The following KLHL18 variants were observed in gnomAD, a reference collection of about 807,000 sequenced individuals.
KLHL18 encodes kelch like family member 18.
In KLHL18, 38 loss-of-function variants were observed where a neutral mutation model predicts 58.5. The observed-to-expected ratio is 0.65, with a 90% CI of 0.50 to 0.85. KLHL18 has a LOEUF of 0.85. Among genes scored for constraint, KLHL18 ranks in the 40% least tolerant of loss-of-function variants. KLHL18 has a pLI of 0.00. For missense variants in KLHL18, 624 were observed against 778.4 expected (o/e 0.80, Z 2.36); for synonymous variants, 303 against 301.9 (o/e 1.00, Z -0.04).
At chr3:47,289,725 G>A (rs1300291039) in intron 1 of KLHL18, among the ~76,000 whole-genome samples, 1 of 152,164 alleles carries the variant, frequency 6.6e-6, no homozygotes. Context: ...CAAGGCTGCA[G>A]TGTGAGCCAT....
chr3:47,315,387 A>G (rs549332719), intron 1 of KLHL18, among the ~76,000 whole-genome samples: 2 of 152,310 alleles, frequency 1.3e-5, no homozygotes, highest in Non-Finnish European at 2.9e-5. Context: ...AGAGGCTCCG[A>G]ATCAGGCACA....
At position 47,310,288 on chromosome 3, in the gene KLHL18, T is replaced by G. The variant is rs556894993; in HGVS notation, c.130-9365T>G. 2.0e-5 allele frequency among the ~76,000 whole-genome samples: 3 copies of G among 152,282 alleles called. No individual in the cohort carries two copies. The South Asian group carries it at 6.2e-4, about 32-fold the overall frequency. ...GAGGGCCTTCTGATTCCATCCAGTC[T>G]CTATGCCACATTGCCTGTCTGGTGG... On this transcript the variant is annotated intron_variant, in intron 1 of 9. Coordinates refer to ENST00000232766, the MANE Select transcript of KLHL18 (RefSeq NM_025010.5).
chr3:47,316,031 A>C (rs1051352404), intron 1 of KLHL18, among the ~76,000 whole-genome samples: 6 of 152,190 alleles, frequency 3.9e-5, no homozygotes, highest in Non-Finnish European at 7.4e-5. Flanking sequence ...GAGGAAGAAC[A>C]ATAAGAAAAT....
intron 1 of KLHL18, among the ~76,000 whole-genome samples, chr3:47,307,430 T>A (rs1323297745): frequency 6.6e-6 from 1 of 152,166 alleles, no homozygotes; most frequent in Non-Finnish European, 1.5e-5. Context: ...CTCTTAAGGT[T>A]AATGCTTTTT....
intron 1 of KLHL18, among the ~76,000 whole-genome samples, chr3:47,311,191 A>T (rs909097318): frequency 6.6e-6 from 1 of 151,704 alleles, no homozygotes; most frequent in Non-Finnish European, 1.5e-5. Context: ...TTGTATTTTT[A>T]GTAGAGACGG....
chr3:47,321,240 C>T (rs1361876904), intron 2 of KLHL18, among the ~76,000 whole-genome samples: 1 of 151,942 alleles, frequency 6.6e-6, no homozygotes, highest in Non-Finnish European at 1.5e-5. Flanking sequence ...GTGATCTGGG[C>T]TCACTGCAAC....
chr3:47,306,577 T>C (rs954716808), intron 1 of KLHL18, among the ~76,000 whole-genome samples: 12 of 152,254 alleles, frequency 7.9e-5, no homozygotes, highest in African/African-American at 2.9e-4. Flanking sequence ...TCTGCTTTTC[T>C]GAATAGTGAT....
chr3:47,340,382 G>A (rs1704081203), intron 7 of KLHL18, among the ~76,000 whole-genome samples, 190 bp from the exon 8 acceptor site: 2 of 152,170 alleles, frequency 1.3e-5, no homozygotes, highest in South Asian at 4.1e-4. Flanking sequence ...GCAGCCTGCG[G>A]TAGAAGGGTG....
chr3:47,328,461 GT>G (rs1167004399), intron 3 of KLHL18, among the ~76,000 whole-genome samples: 8 of 152,134 alleles, frequency 5.3e-5, no homozygotes, highest in Non-Finnish European at 1.2e-4. Flanking sequence ...GTGGGTAGCT[GT>G]TGTCATCATC....
chr3:47,320,387 A>G (rs1324173016), intron 2 of KLHL18, among the ~76,000 whole-genome samples: 2 of 152,216 alleles, frequency 1.3e-5, no homozygotes, highest in Non-Finnish European at 2.9e-5. Context: ...ACTATATTAG[A>G]CAACACAGGT....
At chr3:47,302,354 G>T (rs779781544) in intron 1 of KLHL18, among the ~76,000 whole-genome samples, 1 of 152,022 alleles carries the variant, frequency 6.6e-6, no homozygotes, top group Non-Finnish European at 1.5e-5. Context: ...GTGTGGTGGC[G>T]TGCACCTGTA....
At chr3:47,312,819 T>C (rs572882775) in intron 1 of KLHL18, among the ~76,000 whole-genome samples, 1 of 152,296 alleles carries the variant, frequency 6.6e-6, no homozygotes, top group Admixed American at 6.5e-5. Flanking sequence ...GTTTAGTCCT[T>C]TTTTTAAATG....
rs543007024 is a variant in KLHL18 at position 47,322,661 on chromosome 3, G to A, written c.354G>A (p.Leu118=). ...CATTGCTGATGGGGGCGAGCTTCCTGCAGCTGCAGAGCATCAAAGACGCCT... is the reference window on the plus strand; with the variant it reads ...CATTGCTGATGGGGGCGAGCTTCCTACAGCTGCAGAGCATCAAAGACGCCT... The part of the protein sequence containing the change: ...VQSLLMGASF[L]QLQSIKDACC... The change falls in exon 3 of 10, where the codon CTG becomes CTA. Residue 118 remains leucine, a synonymous_variant. Transcript: ENST00000232766. 150 of 1,605,218 alleles carry A rather than the reference G, an allele frequency of 9.3e-5. 1 individual carries two copies. The South Asian group carries it at 1.6e-3, about 17-fold the overall frequency.
intron 3 of KLHL18, among the ~76,000 whole-genome samples, chr3:47,327,512 A>G (rs1703753901): frequency 6.6e-6 from 1 of 152,246 alleles, no homozygotes; most frequent in African/African-American, 2.4e-5. Context: ...GTTTATCTTT[A>G]TATCTGCCTT....
chr3:47,322,933 C>G (rs551580290), intron 3 of KLHL18, among the ~76,000 whole-genome samples: 1 of 152,256 alleles, frequency 6.6e-6, no homozygotes, highest in South Asian at 2.1e-4. Flanking sequence ...TGCCCTTTCC[C>G]TTGGCTTGAC....
chr3:47,304,192 C>T (rs550869335), intron 1 of KLHL18, among the ~76,000 whole-genome samples: 2 of 152,236 alleles, frequency 1.3e-5, no homozygotes, highest in Non-Finnish European at 2.9e-5. Flanking sequence ...GTTCCTTTGT[C>T]TTTCATATAA....
chr3:47,328,211 C>CTT (rs11349887), intron 3 of KLHL18, among the ~76,000 whole-genome samples: 3 of 141,496 alleles, frequency 2.1e-5, no homozygotes, highest in Admixed American at 7.0e-5. Flanking sequence ...CCAAAAAACA[C>CTT]TTTTTTTTTT....
rs78125603 is a variant in KLHL18 at position 47,322,419 on chromosome 3, G to T, written c.261-149G>T. ...GGCAATGAAGACAACTTGGTAGAAT[G>T]AGTTTTAGGCTGTGGTGAAGTAGTT... On this transcript the variant is annotated intron_variant, in intron 2 of 9. Transcript: ENST00000232766. 2.4e-3 allele frequency: 1,366 copies of T among 571,816 alleles called. 15 individuals are homozygous for T. The African/African-American group carries it at 0.024, about 10-fold the overall frequency. The allele number at this position is 571,816 out of a possible 1,614,324, so 35.4% of individuals were successfully genotyped here. A position where few individuals can be genotyped will look rare whatever the true frequency, so the allele number is the denominator to read the frequency against.
intron 7 of KLHL18, chr3:47,338,651 G>C (rs1704039366): frequency 6.6e-6 from 1 of 152,186 alleles, no homozygotes; most frequent in South Asian, 2.1e-4. Flanking sequence ...GTGAAACCCT[G>C]TCTTTACTAA....
Sources: allele counts gnomAD v4.1 joint callset (sites outside exome capture counted in the v4.1 genomes callset), GRCh38; gene constraint gnomAD v4.1.1; transcripts MANE v1.5; gene names NCBI Gene and HGNC (gene_info 2026-07-23, HGNC 2026-07-21).